Variants in LIMCH1 observed in about 807,000 individuals in gnomAD.
LIMCH1 encodes LIM and calponin homology domains-containing protein 1.
In LIMCH1, 113 loss-of-function variants were observed where a neutral mutation model predicts 176.5. The observed-to-expected ratio is 0.64, with a 90% CI of 0.55 to 0.75. The LOEUF (loss-of-function observed/expected upper bound fraction) is 0.75. Ranked by LOEUF, LIMCH1 falls within the 30% of genes least tolerant of loss-of-function variation. The probability of loss-of-function intolerance (pLI) is 0.00; values close to 1 mark genes in which losing one functional copy is unlikely to be tolerated. For missense variants in LIMCH1, 1,674 were observed against 1,814.9 expected (o/e 0.92, Z 1.41); for synonymous variants, 619 against 645.9 (o/e 0.96, Z 0.63).
rs1718976927 is a variant in LIMCH1, at chr4:41,684,513, C to A, written c.3962C>A (p.Ala1321Asp). ...APHCGTNPQLAQDPSQNQQTS... is the reference protein window; with the variant it reads ...APHCGTNPQLDQDPSQNQQTS... ...CACTGTGGAACAAACCCACAGCTTG[C>A]TCAGGGTAAGAATGGAGAAGACCAG... Residue 1321 changes from alanine to aspartate, a missense_variant, in exon 27 of 32, where the codon GCT becomes GAT. Transcript: ENST00000503057. 6.2e-7 allele frequency: 1 copy of A among 1,613,220 alleles called. No homozygotes were observed. The highest frequency in any genetic ancestry group is 1.3e-5 in the African/African-American group (1 of 74,966).
rs141681359 is a variant in LIMCH1, at chr4:41,697,332, G to A, written c.*147G>A. On this transcript the variant is annotated 3_prime_UTR_variant, in exon 32 of 32. Coordinates refer to ENST00000503057, the MANE Select transcript of LIMCH1 (RefSeq NM_001330672.2). ...TCTGAAAGGTGGTATCTGTTCTTTC[G>A]TAGCACAGTGTTTATGTTTTTCCTG... 3.7e-5 allele frequency: 24 copies of A among 644,814 alleles called. No individual in the cohort carries two copies. Among genetic ancestry groups the A allele is most frequent in the Middle Eastern group, 3.9e-4 (1 of 2,564 alleles). 39.9% of individuals were successfully genotyped at this position (644,814 alleles called of 1,614,324 possible).
chr4:41,587,285 T>C (rs1185181442), intron 1 of LIMCH1, among the ~76,000 whole-genome samples: 1 of 152,200 alleles, frequency 6.6e-6, no homozygotes, highest in Non-Finnish European at 1.5e-5. Flanking sequence ...TTTTGGAAAC[T>C]ATTCCTCCTC....
chr4:41,661,854 C>A, intron 19 of LIMCH1: 2 of 372,362 alleles, frequency 5.4e-6, no homozygotes, highest in South Asian at 2.3e-5. Context: ...AATAGATAAG[C>A]GAGAGGTCAA....
intron 1 of LIMCH1, among the ~76,000 whole-genome samples, chr4:41,588,524 G>C (rs2086893350): frequency 6.6e-6 from 1 of 152,202 alleles, no homozygotes; most frequent in Admixed American, 6.5e-5. Flanking sequence ...AGCACAGGGA[G>C]CCAAGCATTA....
At chr4:41,603,289 G>A (rs201029062) in intron 2 of LIMCH1, among the ~76,000 whole-genome samples, 6 of 121,930 alleles carry the variant, frequency 4.9e-5, no homozygotes, top group African/African-American at 3.0e-4. Flanking sequence ...TATAGTTAGA[G>A]AGTAAACATG....
intron 2 of LIMCH1, among the ~76,000 whole-genome samples, chr4:41,497,126 C>A (rs2072309539): frequency 6.6e-6 from 1 of 152,138 alleles, no homozygotes; most frequent in Non-Finnish European, 1.5e-5. Flanking sequence ...AATAGAAGCC[C>A]AGTTGGTATC....
At chr4:41,486,957 TATACACACACACACATAC>T (rs771787927) in intron 1 of LIMCH1, among the ~76,000 whole-genome samples, 12,764 of 137,698 alleles carry the variant, frequency 0.093, 712 homozygotes, top group Non-Finnish European at 0.12. Flanking sequence ...GATATATATA[TATACACACACACACATAC>T]ATACACACAC....
Position 41,685,749 on chromosome 4 carries a change from G to A in LIMCH1, c.4007G>A (p.Ser1336Asn), listed in dbSNP as rs954404238. Residue 1336 changes from serine to asparagine, a missense_variant, in exon 28 of 32, where the codon AGT becomes AAT. By Grantham distance (46) the Ser-to-Asn change is conservative. Transcript: ENST00000503057. ...QNQQTSNPTH[S>N]SEDVKPKTLP... ...CAGCAGACATCAAATCCAACGCACA[G>A]TTCAGAAGATGTGAAGCCAAAAACC... 6.2e-7 allele frequency: 1 copy of A among 1,613,594 alleles called. No individual in the cohort carries two copies.
chr4:41,642,177 C>G (rs919142610), intron 14 of LIMCH1, among the ~76,000 whole-genome samples: 5 of 152,156 alleles, frequency 3.3e-5, no homozygotes, highest in African/African-American at 9.7e-5. Context: ...TCTTTTCTCT[C>G]CCATAATCTA....
chr4:41,613,432 A>G, intron 4 of LIMCH1, 34 bp from the exon 5 acceptor site: 1 of 1,583,730 alleles, frequency 6.3e-7, no homozygotes. Flanking sequence ...GGCTAGAATT[A>G]TGTCTGTAAC....
chr4:41,568,783 G>A (rs184443125), intron 1 of LIMCH1, among the ~76,000 whole-genome samples: 38 of 152,250 alleles, frequency 2.5e-4, no homozygotes, highest in Middle Eastern at 6.8e-3. Flanking sequence ...GAAATTGATT[G>A]CAGAGATAAA....
At chr4:41,603,380 A>T (rs548885403) in intron 2 of LIMCH1, among the ~76,000 whole-genome samples, 1 of 152,338 alleles carries the variant, frequency 6.6e-6, no homozygotes, top group South Asian at 2.1e-4. Context: ...CCCAGTGCTA[A>T]TTTATGTCCA....
intron 1 of LIMCH1, among the ~76,000 whole-genome samples, chr4:41,466,843 C>T (rs867604974): frequency 6.6e-6 from 1 of 152,098 alleles, no homozygotes; most frequent in South Asian, 2.1e-4. Flanking sequence ...TCACATTTTT[C>T]TGCAGCCATC....
intron 2 of LIMCH1, among the ~76,000 whole-genome samples, chr4:41,600,282 T>G (rs1656774874): frequency 6.6e-6 from 1 of 152,226 alleles, no homozygotes; most frequent in Non-Finnish European, 1.5e-5. Context: ...ATGCCCCATT[T>G]ATTATTGTAC....
At chr4:41,517,822 A>G (rs1307186410) in intron 2 of LIMCH1, among the ~76,000 whole-genome samples, 1 of 151,630 alleles carries the variant, frequency 6.6e-6, no homozygotes, top group Admixed American at 6.6e-5. Flanking sequence ...ATGTTAAATG[A>G]AAGTGCATAT....
At chr4:41,398,967 G>T (rs1320842059) in intron 1 of LIMCH1, among the ~76,000 whole-genome samples, 1 of 152,174 alleles carries the variant, frequency 6.6e-6, no homozygotes, top group Non-Finnish European at 1.5e-5. Context: ...TCTTTGTGTT[G>T]TGGTGTCCAG....
intron 11 of LIMCH1, 35 bp from the exon 12 acceptor site, chr4:41,632,942 T>C: frequency 1.3e-6 from 2 of 1,532,166 alleles, no homozygotes; most frequent in African/African-American, 1.4e-5. Context: ...GTGTGAATTC[T>C]TTCCTAGGAG....
chr4:41,401,512 C>T (rs911055833), intron 1 of LIMCH1, among the ~76,000 whole-genome samples: 10 of 152,034 alleles, frequency 6.6e-5, no homozygotes, highest in East Asian at 3.9e-4. Context: ...CTTGGTGATG[C>T]GGGCTCTTTT....
intron 1 of LIMCH1, among the ~76,000 whole-genome samples, chr4:41,442,147 A>G (rs541135143): frequency 1.1e-3 from 163 of 152,212 alleles, no homozygotes; most frequent in African/African-American, 3.7e-3. Flanking sequence ...AGAAAATACA[A>G]AAATTAGCCA....
Sources: gnomAD v4.1 joint callset for allele counts (sites outside exome capture counted in the v4.1 genomes callset) on GRCh38, gnomAD v4.1.1 for gene constraint, MANE v1.5 for transcripts, NCBI Gene and HGNC (gene_info 2026-07-23, HGNC 2026-07-21) for gene names.